Variants in EPHB1 observed in about 807,000 individuals in gnomAD.
EPHB1 encodes ephrin type-B receptor 1.
In EPHB1, 30 loss-of-function variants were observed where a neutral mutation model predicts 94.4. The ratio of observed to expected loss-of-function variants is 0.32; its 90% CI spans 0.24 to 0.43. The LOEUF is 0.43. Among genes scored for constraint, EPHB1 ranks in the 20% least tolerant of loss-of-function variants. The pLI, the probability that EPHB1 is intolerant of heterozygous loss-of-function variation, is 1.00. For missense variants in EPHB1, 1,055 were observed against 1,308.3 expected, an observed-to-expected ratio of 0.81 and a Z score of 2.99; for synonymous variants, 522 against 489.1, an observed-to-expected ratio of 1.07 and a Z score of -0.89.
At chr3:135,126,989 A>G (rs902725586) in intron 4 of EPHB1, among the ~76,000 whole-genome samples, 2 of 152,106 alleles carry the variant, frequency 1.3e-5, no homozygotes, top group African/African-American at 4.8e-5. Flanking sequence ...AAATACTACT[A>G]CTACCACTAG....
chr3:134,949,056 T>C (rs899161731), intron 2 of EPHB1, among the ~76,000 whole-genome samples: 9 of 152,148 alleles, frequency 5.9e-5, no homozygotes, highest in African/African-American at 1.9e-4. Flanking sequence ...GAGATGCTGG[T>C]GGGTCATGAA....
intron 3 of EPHB1, among the ~76,000 whole-genome samples, chr3:135,083,349 G>T (rs1055373592): frequency 6.6e-6 from 1 of 152,020 alleles, no homozygotes; most frequent in African/African-American, 2.4e-5. Flanking sequence ...GGAAGGCCTG[G>T]CTGAGGCAGG....
intron 3 of EPHB1, among the ~76,000 whole-genome samples, chr3:135,008,517 A>C (rs1410561532): frequency 6.6e-6 from 1 of 152,206 alleles, no homozygotes; most frequent in Admixed American, 6.5e-5. Flanking sequence ...ATGCACTGGC[A>C]TGTTCAGCCA....
chr3:134,994,835 T>G (rs1268995242), intron 3 of EPHB1, among the ~76,000 whole-genome samples: 1 of 152,226 alleles, frequency 6.6e-6, no homozygotes, highest in Non-Finnish European at 1.5e-5. Flanking sequence ...CTCACGAAGT[T>G]TTAAGAAATA....
At position 134,882,775 on chromosome 3, in the gene EPHB1, T is replaced by C. The variant is rs868452135; in HGVS notation, c.59-43041T>C. The stretch of plus-strand genomic sequence containing the variant: ...CTTTCTTCCTTCCTTCCTTTCTTTC[T>C]TTCTTTCTTTCTTTCTTTCTTTCTT... On this transcript the variant is annotated intron_variant, in intron 1 of 15. Transcript: ENST00000398015. 4.1e-3 allele frequency among the ~76,000 whole-genome samples: 138 copies of C among 33,512 alleles called. 5 individuals carry two copies. The highest frequency in any genetic ancestry group is 7.6e-3 in the African/African-American group (112 of 14,810). The allele number at this position is 33,512 out of a possible 152,430, so 22.0% of individuals were successfully genotyped here.
At chr3:134,856,656 G>A (rs1379337810) in intron 1 of EPHB1, among the ~76,000 whole-genome samples, 1 of 152,198 alleles carries the variant, frequency 6.6e-6, no homozygotes, top group Non-Finnish European at 1.5e-5. Context: ...ACTGAGAGGT[G>A]CTGTCGATGT....
intron 3 of EPHB1, among the ~76,000 whole-genome samples, chr3:135,072,017 C>T (rs1437664952): frequency 1.3e-5 from 2 of 152,182 alleles, no homozygotes; most frequent in Admixed American, 1.3e-4. Context: ...TAAGTTCCAG[C>T]TGCCATGTCT....
chr3:134,916,355 G>A (rs1161569838), intron 1 of EPHB1, among the ~76,000 whole-genome samples: 1 of 152,256 alleles, frequency 6.6e-6, no homozygotes, highest in African/African-American at 2.4e-5. Context: ...CTGTGTGCCT[G>A]CACTCCTCAG....
intron 10 of EPHB1, among the ~76,000 whole-genome samples, chr3:135,181,508 G>T (rs1160309695): frequency 1.3e-5 from 2 of 152,222 alleles, no homozygotes; most frequent in African/African-American, 2.4e-5. Flanking sequence ...ACATCAAAGA[G>T]TGTTGGGGAG....
intron 12 of EPHB1, among the ~76,000 whole-genome samples, chr3:135,214,848 A>C (rs942799565): frequency 2.0e-5 from 3 of 152,196 alleles, no homozygotes; most frequent in Admixed American, 2.0e-4. Context: ...AGGGGCAAAA[A>C]GACCATTTCT....
At chr3:134,857,478 C>T (rs2037147111) in intron 1 of EPHB1, among the ~76,000 whole-genome samples, 1 of 152,064 alleles carries the variant, frequency 6.6e-6, no homozygotes, top group South Asian at 2.1e-4. Flanking sequence ...GGGTGTCAGC[C>T]CTGGGGTCCG....
chr3:135,201,112 G>A (rs1576464841), intron 11 of EPHB1, among the ~76,000 whole-genome samples: 1 of 152,164 alleles, frequency 6.6e-6, no homozygotes, highest in East Asian at 1.9e-4. Context: ...GGACTGACAT[G>A]GCCTGATTTA....
chr3:135,220,519 CA>C (rs1943251512), intron 12 of EPHB1, among the ~76,000 whole-genome samples: 1 of 150,854 alleles, frequency 6.6e-6, no homozygotes. Flanking sequence ...GAGAAAAGCT[CA>C]AAGCCATGGA....
At chr3:134,839,099 A>T (rs1311520622) in intron 1 of EPHB1, among the ~76,000 whole-genome samples, 1 of 152,202 alleles carries the variant, frequency 6.6e-6, no homozygotes, top group African/African-American at 2.4e-5. Context: ...TTGATTCTCA[A>T]TATACGACAC....
At chr3:134,932,188 A>G (rs1221333973) in intron 2 of EPHB1, among the ~76,000 whole-genome samples, 1 of 152,146 alleles carries the variant, frequency 6.6e-6, no homozygotes, top group Non-Finnish European at 1.5e-5. Flanking sequence ...AGGGAACAAC[A>G]CGTATCTGAA....
chr3:134,899,196 C>A (rs2038148463), intron 1 of EPHB1, among the ~76,000 whole-genome samples: 1 of 152,114 alleles, frequency 6.6e-6, no homozygotes, highest in Admixed American at 6.6e-5. Context: ...ACAGAAAAGA[C>A]ACCTTAGACC....
At chr3:135,248,859 G>T (rs1943994622) in intron 14 of EPHB1, among the ~76,000 whole-genome samples, 1 of 151,992 alleles carries the variant, frequency 6.6e-6, no homozygotes, top group Non-Finnish European at 1.5e-5. Flanking sequence ...ATACCTGGGT[G>T]TCTGCTTTGA....
At chr3:134,829,382 G>A (rs771591264) in intron 1 of EPHB1, among the ~76,000 whole-genome samples, 6 of 152,128 alleles carry the variant, frequency 3.9e-5, no homozygotes, top group Admixed American at 1.3e-4. Context: ...TCCTGGGGCC[G>A]TGAGGACCTA....
chr3:134,842,471 A>G (rs2036795332), intron 1 of EPHB1, among the ~76,000 whole-genome samples: 2 of 152,164 alleles, frequency 1.3e-5, no homozygotes, highest in Non-Finnish European at 1.5e-5. Context: ...TGCCATTCCA[A>G]TGCCTGCAGT....
Sources: gnomAD v4.1 joint callset for allele counts (sites outside exome capture counted in the v4.1 genomes callset) on GRCh38, gnomAD v4.1.1 for gene constraint, MANE v1.5 for transcripts, NCBI Gene and HGNC (gene_info 2026-07-23, HGNC 2026-07-21) for gene names.